ZNF676: variants seen among roughly 807,000 people sequenced by gnomAD.
ZNF676 encodes zinc finger protein 676.
Under a neutral mutation model 6.0 loss-of-function variants are expected in ZNF676, and 4 were observed. The observed-to-expected ratio is 0.67, with a 90% CI of 0.33 to 1.53. The LOEUF (loss-of-function observed/expected upper bound fraction) is 1.53. Ranked by LOEUF, ZNF676 falls within the 40% of genes most tolerant of loss-of-function variation. ZNF676 has a pLI of 0.06. For missense variants in ZNF676, 644 were observed against 679.7 expected (o/e 0.95, Z 0.58); for synonymous variants, 198 against 223.1 (o/e 0.89, Z 1.00).
At chr19:22,238,716 G>T in the ZNF676 span, among the ~76,000 whole-genome samples, 2 of 152,168 alleles carry the variant, frequency 1.3e-5, no homozygotes, top group Non-Finnish European at 2.9e-5. Context: ...CTCACAACAG[G>T]CCATCTGTAG....
intron 2 of ZNF676, among the ~76,000 whole-genome samples, chr19:22,188,925 T>A (rs1278480835): frequency 6.6e-6 from 1 of 152,188 alleles, no homozygotes; most frequent in Non-Finnish European, 1.5e-5. Context: ...ATGGCCATAC[T>A]GCCCAAAGTA....
At chr19:22,247,037 A>G in the ZNF676 span, among the ~76,000 whole-genome samples, 1 of 152,208 alleles carries the variant, frequency 6.6e-6, no homozygotes, top group Non-Finnish European at 1.5e-5. Flanking sequence ...GCTTTCTGGC[A>G]AATTATAAAG....
chr19:22,247,040 T>A, the ZNF676 span, among the ~76,000 whole-genome samples: 4 of 152,160 alleles, frequency 2.6e-5, no homozygotes, highest in African/African-American at 9.7e-5. Context: ...TTCTGGCAAA[T>A]TATAAAGGGA....
chr19:22,199,202 G>C (rs2024000431), upstream of ZNF676, among the ~76,000 whole-genome samples: 1 of 152,240 alleles, frequency 6.6e-6, no homozygotes, highest in Non-Finnish European at 1.5e-5. Context: ...GTATGGAAAG[G>C]GTCCATAAAT....
the ZNF676 span, among the ~76,000 whole-genome samples, chr19:22,251,520 T>C: frequency 6.6e-6 from 1 of 152,184 alleles, no homozygotes; most frequent in Non-Finnish European, 1.5e-5. Flanking sequence ...CCAGGCACGG[T>C]GGCTCATGCC....
At chr19:22,252,769 T>C in the ZNF676 span, among the ~76,000 whole-genome samples, 1 of 152,158 alleles carries the variant, frequency 6.6e-6, no homozygotes, top group Non-Finnish European at 1.5e-5. Context: ...GGAGCCACAA[T>C]ATGTCAAAGT....
chr19:22,234,260 C>T, the ZNF676 span, among the ~76,000 whole-genome samples: 1 of 152,200 alleles, frequency 6.6e-6, no homozygotes, highest in East Asian at 1.9e-4. Context: ...ATAGTCTTTT[C>T]TTCCTCTGTC....
intron 2 of ZNF676, among the ~76,000 whole-genome samples, chr19:22,182,919 GAT>G (rs2023780871): frequency 6.6e-6 from 1 of 152,022 alleles, no homozygotes; most frequent in Admixed American, 6.6e-5. Context: ...ACATTTGAGA[GAT>G]AAAAGCACAG....
chr19:22,246,761 G>A, the ZNF676 span, among the ~76,000 whole-genome samples: 1 of 152,228 alleles, frequency 6.6e-6, no homozygotes, highest in Non-Finnish European at 1.5e-5. Flanking sequence ...GTGAGGTCCA[G>A]TGATAAGCCA....
the ZNF676 span, among the ~76,000 whole-genome samples, chr19:22,248,408 T>C: frequency 6.6e-6 from 1 of 152,224 alleles, no homozygotes; most frequent in Admixed American, 6.5e-5. Flanking sequence ...CCAGCACCTG[T>C]TGTTTCCTGA....
At chr19:22,200,023 A>AT (rs2024008193), upstream of ZNF676, among the ~76,000 whole-genome samples, 1 of 146,768 alleles carries the variant, frequency 6.8e-6, no homozygotes, top group African/African-American at 2.4e-5. Flanking sequence ...CCAGACATAA[A>AT]TAAGGCCTCC....
At chr19:22,191,573 G>A (rs2023907238) in intron 2 of ZNF676, among the ~76,000 whole-genome samples, 1 of 152,056 alleles carries the variant, frequency 6.6e-6, no homozygotes. Context: ...AATCCTCTCT[G>A]GTACTCAATG....
the ZNF676 span, among the ~76,000 whole-genome samples, chr19:22,253,549 G>GA: frequency 2.0e-4 from 4 of 20,310 alleles, no homozygotes; most frequent in East Asian, 0.17. Flanking sequence ...TATGCTCTGA[G>GA]ACTTTGTGCA....
Position 22,213,648 on chromosome 19 carries a change from T to TAC in ZNF676, c.3+1982_3+1983dup, listed in dbSNP as rs1457085189. ...GGTTGTCTTATGGGAGATGAGAGGC[T>TAC]ACACTCCATACCTCTGGTTGTCTTA... is the stretch of plus-strand genomic sequence containing the variant. On this transcript the variant is annotated intron_variant, in intron 1 of 3. Transcript: ENST00000650058. Among the ~76,000 whole-genome samples the TAC allele has an allele frequency of 7.3e-5, 11 of 151,094 alleles. No homozygotes were observed. In the Admixed American group the frequency reaches 7.3e-4, roughly 10 times the overall value.
rs766537711 is a variant in ZNF676, at chr19:22,181,125, T to C, written c.592A>G (p.Lys198Glu). Reference sequence around the variant, plus strand: ...AAGGCTTTGCCACATTCTTCACATTTGTAGGGTTTCTCTCCAGTATGAATA... The same window carrying C: ...AAGGCTTTGCCACATTCTTCACATTCGTAGGGTTTCTCTCCAGTATGAATA... ...KSIHTGEKPY[K>E]CEECGKAFSK... The change falls in exon 3 of 3, where the codon AAA (lysine) becomes GAA (glutamate). Residue 198 changes from lysine to glutamate, a missense_variant. Transcript: ENST00000397121. The C allele has an allele frequency of 2.5e-6, 4 of 1,613,736 alleles. No individual in the cohort carries two copies. Among genetic ancestry groups the C allele is most frequent in the Non-Finnish European group, 3.4e-6 (4 of 1,179,958 alleles).
intron 2 of ZNF676, among the ~76,000 whole-genome samples, chr19:22,185,825 A>G (rs992697890): frequency 9.2e-5 from 14 of 152,144 alleles, no homozygotes; most frequent in Admixed American, 7.9e-4. Context: ...AGAATACAAG[A>G]TTAGAGAAAA....
chr19:22,247,594 C>A, the ZNF676 span, among the ~76,000 whole-genome samples: 1 of 150,192 alleles, frequency 6.7e-6, no homozygotes, highest in Admixed American at 6.6e-5. Flanking sequence ...GGGTTAGAGG[C>A]CCCTCTCAGT....
the ZNF676 span, among the ~76,000 whole-genome samples, chr19:22,256,325 C>A: frequency 0.38 from 57,038 of 151,644 alleles, 11,339 homozygotes; most frequent in Non-Finnish European, 0.45. Context: ...ATATTCCCCG[C>A]TAGAAGGGAC....
intron 1 of ZNF676, among the ~76,000 whole-genome samples, chr19:22,194,896 A>G (rs1348595634): frequency 1.3e-5 from 2 of 152,166 alleles, no homozygotes; most frequent in African/African-American, 2.4e-5. Flanking sequence ...AAAGAATTAC[A>G]TTAGTTATAG....
Sources: gnomAD v4.1 joint callset for allele counts (sites outside exome capture counted in the v4.1 genomes callset) on GRCh38, gnomAD v4.1.1 for gene constraint, MANE v1.5 for transcripts, NCBI Gene and HGNC (gene_info 2026-07-23, HGNC 2026-07-21) for gene names.